Variants in NTM observed in about 807,000 individuals in gnomAD.
The protein encoded by NTM is neurotrimin.
NTM carries 13 observed loss-of-function variants against 42.1 expected under a neutral mutation model. The observed-to-expected ratio is 0.31, with a 90% confidence interval of 0.20 to 0.49. The LOEUF is 0.49. Among genes scored for constraint, NTM ranks in the 20% least tolerant of loss-of-function variants. The pLI is 0.99. For synonymous variants in NTM, 187 were observed against 179.2 expected (o/e 1.04, Z -0.35); for missense variants, 373 against 452.8 (o/e 0.82, Z 1.60).
chr11:131,865,964 T>C (rs572094229), intron 1 of NTM, among the ~76,000 whole-genome samples: 1 of 106,428 alleles, frequency 9.4e-6, no homozygotes, highest in South Asian at 2.6e-4. Context: ...ACACACATGC[T>C]ACACATACAC....
At chr11:131,951,728 A>G (rs996307441) in intron 2 of NTM, among the ~76,000 whole-genome samples, 5 of 150,320 alleles carry the variant, frequency 3.3e-5, no homozygotes, top group African/African-American at 1.2e-4. Context: ...AGGCTGAGGC[A>G]GGAGAAATGC....
chr11:132,096,134 AT>A (rs1254095881), intron 2 of NTM, among the ~76,000 whole-genome samples: 3 of 152,094 alleles, frequency 2.0e-5, no homozygotes, highest in Admixed American at 1.3e-4. Context: ...ACACCATTCC[AT>A]TGACTTTCTC....
intron 1 of NTM, among the ~76,000 whole-genome samples, chr11:131,780,341 C>T (rs112296795): frequency 8.5e-5 from 13 of 152,218 alleles, no homozygotes; most frequent in Admixed American, 2.0e-4. Context: ...ATAGACGAGA[C>T]GACCTCACTG....
At chr11:131,885,893 A>G (rs960634194) in intron 1 of NTM, among the ~76,000 whole-genome samples, 6 of 152,154 alleles carry the variant, frequency 3.9e-5, no homozygotes, top group Non-Finnish European at 7.4e-5. Flanking sequence ...ATGAGACAGC[A>G]AGGTACGAGA....
chr11:132,206,765 T>A (rs1301960368), intron 3 of NTM, among the ~76,000 whole-genome samples: 1 of 152,230 alleles, frequency 6.6e-6, no homozygotes, highest in Non-Finnish European at 1.5e-5. Context: ...CCTAGATACC[T>A]GTTTCTCATT....
At chr11:131,664,406 G>A (rs2068625063) in intron 1 of NTM, among the ~76,000 whole-genome samples, 1 of 152,140 alleles carries the variant, frequency 6.6e-6, no homozygotes, top group African/African-American at 2.4e-5. Context: ...TTTTTCTAAT[G>A]AGGTCTAGAA....
At chr11:132,245,246 G>C (rs2090927400) in intron 4 of NTM, among the ~76,000 whole-genome samples, 1 of 152,176 alleles carries the variant, frequency 6.6e-6, no homozygotes, top group Non-Finnish European at 1.5e-5. Flanking sequence ...TTTGGTGGAA[G>C]AGAAGGAACC....
At position 132,335,246 on chromosome 11, in the gene NTM, A is replaced by G. The variant is rs2095863836; in HGVS notation, c.*100A>G. On this transcript the variant is annotated 3_prime_UTR_variant, in exon 9 of 9. Transcript: ENST00000683400. ...ACAGCAACCAATCAGATATATACAAATGAAATTAGAAGAAACACAGCCTCA... is the reference window on the plus strand; with the variant it reads ...ACAGCAACCAATCAGATATATACAAGTGAAATTAGAAGAAACACAGCCTCA... The G allele has an allele frequency of 1.2e-5, 15 of 1,263,094 alleles. No individual in the cohort carries two copies. In the South Asian group the frequency reaches 1.5e-4, roughly 12 times the overall value. The allele number at this position is 1,263,094 out of a possible 1,614,324, so 78.2% of individuals were successfully genotyped here.
intron 1 of NTM, among the ~76,000 whole-genome samples, chr11:131,891,794 A>G (rs1383358264): frequency 2.0e-5 from 3 of 152,048 alleles, no homozygotes; most frequent in African/African-American, 4.8e-5. Context: ...GACATTTTGG[A>G]CTTTCTTTCT....
At chr11:131,792,076 T>C (rs957206078) in intron 1 of NTM, among the ~76,000 whole-genome samples, 1 of 152,200 alleles carries the variant, frequency 6.6e-6, no homozygotes, top group African/African-American at 2.4e-5. Flanking sequence ...CTTACCCTGA[T>C]CTTTTCTGTT....
At chr11:131,416,489 G>T (rs1273365048) in intron 1 of NTM, among the ~76,000 whole-genome samples, 2 of 152,158 alleles carry the variant, frequency 1.3e-5, no homozygotes, top group Non-Finnish European at 2.9e-5. Flanking sequence ...TAGCCTGTCT[G>T]CCACCTTCAA....
intron 3 of NTM, among the ~76,000 whole-genome samples, chr11:132,209,581 G>T (rs1048261902): frequency 6.6e-6 from 1 of 152,184 alleles, no homozygotes; most frequent in Non-Finnish European, 1.5e-5. Context: ...TTATATTAAT[G>T]TAATTTATAG....
At chr11:131,949,630 TA>T (rs1205366755) in intron 2 of NTM, among the ~76,000 whole-genome samples, 2 of 152,330 alleles carry the variant, frequency 1.3e-5, no homozygotes, top group East Asian at 3.9e-4. Context: ...ACTGGCCCTA[TA>T]CCTAGAACAG....
chr11:132,320,899 C>A (rs547092349), intron 7 of NTM, among the ~76,000 whole-genome samples: 1 of 150,790 alleles, frequency 6.6e-6, no homozygotes, highest in Non-Finnish European at 1.5e-5. Context: ...CTGGGAGGCA[C>A]CCCCCAGCAG....
At chr11:131,983,172 G>T (rs1269759378) in intron 2 of NTM, among the ~76,000 whole-genome samples, 1 of 151,874 alleles carries the variant, frequency 6.6e-6, no homozygotes, top group Non-Finnish European at 1.5e-5. Context: ...CTTGACCTCA[G>T]TAGATCCCAT....
At chr11:131,569,816 A>G (rs1336850212) in intron 1 of NTM, among the ~76,000 whole-genome samples, 2 of 152,164 alleles carry the variant, frequency 1.3e-5, no homozygotes, top group African/African-American at 4.8e-5. Flanking sequence ...CTTGGCCTCA[A>G]GTAATTCTCC....
intron 1 of NTM, among the ~76,000 whole-genome samples, chr11:131,865,829 TACAC>T (rs1203698851): frequency 7.8e-6 from 1 of 127,624 alleles, no homozygotes; most frequent in Non-Finnish European, 1.7e-5. Context: ...ACACACATGC[TACAC>T]ACACACCTCC....
intron 1 of NTM, among the ~76,000 whole-genome samples, chr11:131,715,249 T>G: frequency 6.6e-6 from 1 of 152,228 alleles, no homozygotes; most frequent in East Asian, 1.9e-4. Flanking sequence ...GCTACAGAAT[T>G]ACTATTCCTA....
chr11:131,691,657 T>A (rs533134395), intron 1 of NTM, among the ~76,000 whole-genome samples: 1 of 151,974 alleles, frequency 6.6e-6, no homozygotes, highest in African/African-American at 2.4e-5. Flanking sequence ...CGGGTAAAGA[T>A]GGCAACCCCA....
Sources: allele counts gnomAD v4.1 joint callset (sites outside exome capture counted in the v4.1 genomes callset), GRCh38; gene constraint gnomAD v4.1.1; transcripts MANE v1.5; gene names NCBI Gene and HGNC (gene_info 2026-07-23, HGNC 2026-07-21).